Variants in DTHD1 observed in about 807,000 individuals in gnomAD.
DTHD1 encodes death domain containing 1, also known as death domain-containing protein 1.
In DTHD1, 59 loss-of-function variants were observed where a neutral mutation model predicts 74.8. That is an observed-to-expected ratio of 0.79 (90% confidence interval 0.64 to 0.98). The LOEUF (loss-of-function observed/expected upper bound fraction) is 0.98. Ranked by LOEUF, DTHD1 falls within the 50% of genes least tolerant of loss-of-function variation. The pLI, the probability that DTHD1 is intolerant of heterozygous loss-of-function variation, is 0.00. For missense variants in DTHD1, 1,051 were observed against 1,065.4 expected (o/e 0.99, Z 0.19); for synonymous variants, 365 against 371.1 (o/e 0.98, Z 0.19).
At chr4:36,289,142 A>G (rs558407935) in intron 2 of DTHD1, among the ~76,000 whole-genome samples, 1 of 152,180 alleles carries the variant, frequency 6.6e-6, no homozygotes, top group African/African-American at 2.4e-5. Context: ...CTGGACATTA[A>G]TGCTATGTTA....
At chr4:36,288,847 GGA>G (rs1419333831) in intron 2 of DTHD1, among the ~76,000 whole-genome samples, 2 of 151,956 alleles carry the variant, frequency 1.3e-5, no homozygotes, top group African/African-American at 4.9e-5. Context: ...AAGGCACAGA[GGA>G]GAGTCATTCC....
chr4:36,322,591 C>T (rs567502709), intron 8 of DTHD1, among the ~76,000 whole-genome samples: 3 of 152,040 alleles, frequency 2.0e-5, no homozygotes, highest in African/African-American at 7.2e-5. Flanking sequence ...AAGTCAAGGA[C>T]TCGAAGGAAG....
At chr4:36,288,730 T>C (rs1397090146) in intron 2 of DTHD1, among the ~76,000 whole-genome samples, 1 of 152,222 alleles carries the variant, frequency 6.6e-6, no homozygotes, top group Admixed American at 6.5e-5. Context: ...TAAATCTATT[T>C]GACTAGGGCT....
chr4:36,295,309 A>G (rs769417767), intron 5 of DTHD1, among the ~76,000 whole-genome samples: 2 of 152,130 alleles, frequency 1.3e-5, no homozygotes, highest in Admixed American at 1.3e-4. Flanking sequence ...GAAACCTTCA[A>G]TCTATTCAAA....
intron 5 of DTHD1, among the ~76,000 whole-genome samples, chr4:36,297,938 G>A (rs1051427047): frequency 8.3e-5 from 8 of 96,060 alleles, no homozygotes; most frequent in East Asian, 2.3e-4. Flanking sequence ...GTGTGTGCAC[G>A]TGTGTGTGTG....
intron 7 of DTHD1, among the ~76,000 whole-genome samples, chr4:36,314,133 G>C (rs1757560703): frequency 1.4e-5 from 2 of 147,838 alleles, no homozygotes; most frequent in Middle Eastern, 3.3e-3. Context: ...CTTTTGCAAA[G>C]GGATCTACTC....
chr4:36,339,553 A>C (rs561913185), intron 9 of DTHD1, among the ~76,000 whole-genome samples: 1 of 152,366 alleles, frequency 6.6e-6, no homozygotes, highest in African/African-American at 2.4e-5. Flanking sequence ...ATCTATTTGA[A>C]TTTGAGGTAT....
intron 5 of DTHD1, among the ~76,000 whole-genome samples, chr4:36,301,780 G>C (rs1756785934): frequency 7.2e-6 from 1 of 139,326 alleles, no homozygotes; most frequent in African/African-American, 2.7e-5. Context: ...AGATGAAAGA[G>C]ATTGAAGTCA....
At chr4:36,329,868 C>T (rs17510689) in intron 8 of DTHD1, among the ~76,000 whole-genome samples, 10,574 of 152,070 alleles carry the variant, frequency 0.07, 671 homozygotes, top group Admixed American at 0.21. Context: ...GGCTGGCAAC[C>T]GAATTTAATA....
chr4:36,318,567 G>T (rs1385637023), intron 8 of DTHD1, among the ~76,000 whole-genome samples: 1 of 151,428 alleles, frequency 6.6e-6, no homozygotes, highest in African/African-American at 2.4e-5. Flanking sequence ...AGCCAATCTG[G>T]TGTACATCTA....
At chr4:36,297,250 G>T (rs1044852955) in intron 5 of DTHD1, among the ~76,000 whole-genome samples, 6 of 152,068 alleles carry the variant, frequency 3.9e-5, no homozygotes, top group Non-Finnish European at 8.8e-5. Flanking sequence ...TTGTTCAAGG[G>T]CCAACTGTAT....
intron 7 of DTHD1, among the ~76,000 whole-genome samples, chr4:36,314,708 A>G (rs1757603989): frequency 6.6e-6 from 1 of 150,918 alleles, no homozygotes; most frequent in South Asian, 2.1e-4. Flanking sequence ...AAAAGAAAAG[A>G]AAAAAAGCTT....
intron 8 of DTHD1, among the ~76,000 whole-genome samples, chr4:36,318,905 T>C (rs550596317): frequency 2.0e-5 from 3 of 152,322 alleles, no homozygotes; most frequent in African/African-American, 7.2e-5. Flanking sequence ...TGAGCCACTA[T>C]GCCTGGCCTC....
At chr4:36,290,346 A>G (rs1357833934) in intron 2 of DTHD1, 27 bp from the exon 3 acceptor site, 1 of 1,523,080 alleles carries the variant, frequency 6.6e-7, no homozygotes, top group Non-Finnish European at 8.8e-7. Context: ...AATAATTGGA[A>G]AAATGACATT....
intron 7 of DTHD1, among the ~76,000 whole-genome samples, chr4:36,314,069 G>GTTTTTTTTTTTT (rs375245524): frequency 7.2e-6 from 1 of 138,994 alleles, no homozygotes; most frequent in Non-Finnish European, 1.6e-5. Context: ...CTAGGAATCT[G>GTTTTTTTTTTTT]TTTTTTTTTT....
rs759555389 is a variant in DTHD1, at chr4:36,284,133, A to G, written c.429A>G (p.Lys143=). 3 of 1,537,148 alleles carry G rather than the reference A, an allele frequency of 2.0e-6. No individual in the cohort carries two copies. Among genetic ancestry groups the G allele is most frequent in the Non-Finnish European group, 2.6e-6 (3 of 1,146,898 alleles). Residue 143 remains lysine (K), a synonymous_variant, in exon 2 of 10, where the codon AAA becomes AAG. Transcript: ENST00000639862. ...QQTMSSIQDT[K]AADIAARGEL... ...CAATGTCCTCCATTCAAGATACCAAAGCAGCAGACATTGCTGCAAGAGGGG... is the reference window on the plus strand; with the variant it reads ...CAATGTCCTCCATTCAAGATACCAAGGCAGCAGACATTGCTGCAAGAGGGG...
intron 8 of DTHD1, among the ~76,000 whole-genome samples, chr4:36,317,732 T>C (rs1757812492): frequency 1.3e-5 from 2 of 152,208 alleles, no homozygotes; most frequent in African/African-American, 4.8e-5. Flanking sequence ...AAATAGTAAC[T>C]GATTGAAGTT....
intron 7 of DTHD1, among the ~76,000 whole-genome samples, chr4:36,313,417 G>GAAAA (rs34007292): frequency 6.9e-6 from 1 of 144,316 alleles, no homozygotes; most frequent in Non-Finnish European, 1.5e-5. Context: ...AGTGAGGGAG[G>GAAAA]AAAAAAAAAA....
rs1759562378 is a variant in DTHD1 at position 36,345,949 on chromosome 4, C to A, written c.*2125C>A. Among the ~76,000 whole-genome samples the A allele has an allele frequency of 6.6e-6, 1 of 152,098 alleles. No individual in the cohort carries two copies. Among genetic ancestry groups the A allele is most frequent in the Non-Finnish European group, 1.5e-5 (1 of 68,014 alleles). ...ACACATCCCTGCCACACACCTCTCACAAATGCACCCTCAAACACACAGGCC... is the reference window on the plus strand; with the variant it reads ...ACACATCCCTGCCACACACCTCTCAAAAATGCACCCTCAAACACACAGGCC... On this transcript the variant is annotated 3_prime_UTR_variant, in exon 10 of 10. Transcript: ENST00000639862.
Sources: allele counts gnomAD v4.1 joint callset (sites outside exome capture counted in the v4.1 genomes callset), GRCh38; gene constraint gnomAD v4.1.1; transcripts MANE v1.5; gene names NCBI Gene and HGNC (gene_info 2026-07-23, HGNC 2026-07-21).